The following RANBP2 variants were observed in gnomAD, a reference collection of about 807,000 sequenced individuals.
The protein encoded by RANBP2 is RAN binding protein 2.
In RANBP2, 57 loss-of-function variants were observed where a neutral mutation model predicts 303.6. The ratio of observed to expected loss-of-function variants is 0.19; its 90% confidence interval spans 0.15 to 0.23. The LOEUF (loss-of-function observed/expected upper bound fraction) is 0.23, where lower values mean the gene tolerates loss of function less well. Ranked by LOEUF, RANBP2 falls within the 10% of genes least tolerant of loss-of-function variation. RANBP2 has a pLI of 1.00. For synonymous variants in RANBP2, 1,167 were observed against 1,301.5 expected (o/e 0.90, Z 2.23); for missense variants, 3,138 against 3,780.8 (o/e 0.83, Z 4.46).
At chr2:108,874,288 T>C in the RANBP2 span, among the ~76,000 whole-genome samples, 1 of 152,202 alleles carries the variant, frequency 6.6e-6, no homozygotes, top group Admixed American at 6.5e-5. Context: ...AGTAAACTCT[T>C]ATGGACTGCC....
chr2:109,430,170 C>T, the RANBP2 span, among the ~76,000 whole-genome samples: 12 of 152,230 alleles, frequency 7.9e-5, no homozygotes, highest in South Asian at 2.1e-4. Flanking sequence ...GCTGTTGGTG[C>T]GGCCTGAGTT....
At chr2:108,900,679 A>G in the RANBP2 span, among the ~76,000 whole-genome samples, 6 of 152,250 alleles carry the variant, frequency 3.9e-5, no homozygotes, top group African/African-American at 1.4e-4. Flanking sequence ...AACTCACTTC[A>G]ATATAATGAG....
chr2:109,306,100 A>G, the RANBP2 span, among the ~76,000 whole-genome samples: 3 of 152,204 alleles, frequency 2.0e-5, no homozygotes, highest in African/African-American at 7.2e-5. Context: ...TGTCTACCTC[A>G]CGCTAAAGTT....
At chr2:108,880,584 C>T in the RANBP2 span, among the ~76,000 whole-genome samples, 2 of 152,108 alleles carry the variant, frequency 1.3e-5, no homozygotes, top group African/African-American at 4.8e-5. Flanking sequence ...ACTTTGAAGG[C>T]AATGCTCATT....
At chr2:109,159,840 C>T in the RANBP2 span, among the ~76,000 whole-genome samples, 50 of 152,190 alleles carry the variant, frequency 3.3e-4, no homozygotes, top group Admixed American at 5.9e-4. Flanking sequence ...CATGATCTGT[C>T]ACTGTCTTCC....
chr2:108,970,604 C>T, the RANBP2 span, among the ~76,000 whole-genome samples: 1 of 152,076 alleles, frequency 6.6e-6, no homozygotes, highest in African/African-American at 2.4e-5. Flanking sequence ...CAGGGTGGGG[C>T]AGGGGACCAA....
chr2:108,955,922 G>A, the RANBP2 span, among the ~76,000 whole-genome samples: 5 of 151,640 alleles, frequency 3.3e-5, no homozygotes, highest in East Asian at 1.9e-4. Context: ...CCAGCTACTC[G>A]GGAGGCTGAG....
chr2:109,674,229 G>T, the RANBP2 span, among the ~76,000 whole-genome samples: 1 of 151,388 alleles, frequency 6.6e-6, no homozygotes, highest in Admixed American at 6.6e-5. Context: ...AATTGTGCTT[G>T]AATTTAACAA....
chr2:108,720,727 A>G (rs527343331), intron 1 of RANBP2, among the ~76,000 whole-genome samples: 17 of 152,330 alleles, frequency 1.1e-4, no homozygotes, highest in Non-Finnish European at 7.3e-5. Flanking sequence ...AATGTTAGCT[A>G]CAAGTCACTT....
chr2:108,786,695 C>T, downstream of RANBP2: 2 of 885,228 alleles, frequency 2.3e-6, no homozygotes, highest in African/African-American at 1.7e-5. Flanking sequence ...CCCCGCCCCG[C>T]CCTTTCCCTG....
chr2:109,597,033 C>T, the RANBP2 span, among the ~76,000 whole-genome samples: 2 of 152,150 alleles, frequency 1.3e-5, no homozygotes, highest in South Asian at 2.1e-4. Flanking sequence ...CGAGATCCTC[C>T]ACCTCCCAAG....
chr2:109,194,371 C>T, the RANBP2 span, among the ~76,000 whole-genome samples: 1 of 152,230 alleles, frequency 6.6e-6, no homozygotes, highest in African/African-American at 2.4e-5. Flanking sequence ...GTGTCTGCTG[C>T]CACCCCTGCT....
the RANBP2 span, among the ~76,000 whole-genome samples, chr2:109,602,822 C>T: frequency 6.8e-6 from 1 of 148,080 alleles, no homozygotes; most frequent in Non-Finnish European, 1.5e-5. Flanking sequence ...GAGAGAGGAG[C>T]TGAAGAAAAG....
At chr2:109,115,973 G>A in the RANBP2 span, among the ~76,000 whole-genome samples, 9 of 152,208 alleles carry the variant, frequency 5.9e-5, no homozygotes, top group Non-Finnish European at 8.8e-5. Context: ...CTCTCTTCTG[G>A]CTTGTAGAGT....
At chr2:109,391,534 C>A in the RANBP2 span, among the ~76,000 whole-genome samples, 1 of 152,232 alleles carries the variant, frequency 6.6e-6, no homozygotes, top group African/African-American at 2.4e-5. Context: ...AAACTAACTT[C>A]AAGGGGGGAA....
chr2:109,628,861 C>T, the RANBP2 span, among the ~76,000 whole-genome samples: 6 of 151,958 alleles, frequency 3.9e-5, no homozygotes, highest in Non-Finnish European at 8.8e-5. Flanking sequence ...TTTTTCTCTT[C>T]CTTTTGAGGG....
chr2:109,426,736 T>C, the RANBP2 span, among the ~76,000 whole-genome samples: 1 of 152,218 alleles, frequency 6.6e-6, no homozygotes, highest in African/African-American at 2.4e-5. Context: ...GGTAAAATGC[T>C]GTCAAACAGC....
At chr2:108,937,424 G>C in the RANBP2 span, among the ~76,000 whole-genome samples, 1 of 152,112 alleles carries the variant, frequency 6.6e-6, no homozygotes, top group African/African-American at 2.4e-5. Flanking sequence ...CTATGTGTGA[G>C]TGTATGTATT....
At chr2:109,387,201 T>C in the RANBP2 span, among the ~76,000 whole-genome samples, 6 of 152,264 alleles carry the variant, frequency 3.9e-5, no homozygotes, top group African/African-American at 1.4e-4. Context: ...TCAGTATTTC[T>C]GCCTGGCTTT....
Sources: allele counts gnomAD v4.1 joint callset (sites outside exome capture counted in the v4.1 genomes callset), GRCh38; gene constraint gnomAD v4.1.1; transcripts MANE v1.5; gene names NCBI Gene and HGNC (gene_info 2026-07-23, HGNC 2026-07-21).